The following BMPR1B variants were observed in gnomAD, a reference collection of about 807,000 sequenced individuals.
BMPR1B encodes bone morphogenetic protein receptor type 1B, also known as bone morphogenetic protein receptor type-1B.
In BMPR1B, 12 loss-of-function variants were observed where a neutral mutation model predicts 59.1. That is an observed-to-expected ratio of 0.20 (90% confidence interval 0.13 to 0.33). The LOEUF (loss-of-function observed/expected upper bound fraction) is 0.33, where lower values mean the gene tolerates loss of function less well. Among genes scored for constraint, BMPR1B ranks in the 10% least tolerant of loss-of-function variants. BMPR1B has a pLI of 1.00. For missense variants in BMPR1B, 550 were observed against 610.9 expected, an observed-to-expected ratio of 0.90 and a Z score of 1.05; for synonymous variants, 237 against 207.3, an observed-to-expected ratio of 1.14 and a Z score of -1.23.
intron 2 of BMPR1B, among the ~76,000 whole-genome samples, chr4:94,924,318 C>G (rs780528375): frequency 1.6e-4 from 24 of 152,158 alleles, no homozygotes; most frequent in Non-Finnish European, 3.2e-4. Context: ...GGAGAAGATA[C>G]TAACTTTTTT....
At chr4:94,762,072 T>C (rs1721795053) in intron 1 of BMPR1B, among the ~76,000 whole-genome samples, 1 of 152,194 alleles carries the variant, frequency 6.6e-6, no homozygotes, top group Admixed American at 6.5e-5. Context: ...ATCACAGTGG[T>C]AAGAAGGGAT....
rs924988842 is a variant in BMPR1B, at chr4:95,155,354, A to C, written c.*681A>C. 1.1e-4 allele frequency: 16 copies of C among 152,222 alleles called. No individual in the cohort carries two copies. The highest frequency in any genetic ancestry group is 3.9e-4 in the African/African-American group (16 of 41,474). The allele number at this position is 152,222 out of a possible 1,614,324, so 9.4% of individuals were successfully genotyped here. ...AGCTTCAGGCAATATGGAACAAATG[A>C]AGGTTTATGTGACTCTAATAGAAGT... On this transcript the variant is annotated 3_prime_UTR_variant, in exon 13 of 13. Transcript: ENST00000515059.
rs558859893 is a variant in BMPR1B at position 95,006,376 on chromosome 4, CA to C, written c.-18+10256del. On this transcript the variant is annotated intron_variant, in intron 3 of 12. Coordinates refer to ENST00000515059, the MANE Select transcript of BMPR1B (RefSeq NM_001203.3). ...TGGGCAACAGGGCGAGACTCCATCTCAAAAAAAAAAAAAAGTTTTATTTAAT... is the reference window on the plus strand; with the variant it reads ...TGGGCAACAGGGCGAGACTCCATCTCAAAAAAAAAAAAAGTTTTATTTAAT... Among the ~76,000 whole-genome samples the C allele has an allele frequency of 2.1e-3, 278 of 134,600 alleles. 1 individual carries two copies. Among genetic ancestry groups the C allele is most frequent in the African/African-American group, 6.7e-3 (234 of 35,000 alleles). 88.3% of individuals were successfully genotyped at this position (134,600 alleles called of 152,430 possible). A position where few individuals can be genotyped will look rare whatever the true frequency, so the allele number is the denominator to read the frequency against.
chr4:95,143,325 G>A (rs1734388586), intron 10 of BMPR1B, among the ~76,000 whole-genome samples: 1 of 152,186 alleles, frequency 6.6e-6, no homozygotes, highest in Admixed American at 6.5e-5. Flanking sequence ...CAATGTCAGT[G>A]GCTAAAATAT....
intron 1 of BMPR1B, among the ~76,000 whole-genome samples, chr4:94,806,048 C>T (rs548787021): frequency 6.6e-6 from 1 of 152,172 alleles, no homozygotes; most frequent in South Asian, 2.1e-4. Context: ...TATTGGAATC[C>T]AGTGCAATAT....
intron 1 of BMPR1B, among the ~76,000 whole-genome samples, chr4:94,875,049 A>G (rs970211684): frequency 7.2e-5 from 11 of 152,242 alleles, no homozygotes; most frequent in African/African-American, 1.7e-4. Context: ...AAATCCTTGC[A>G]CTAAGTAACA....
At chr4:94,767,565 A>G (rs1423185579) in intron 1 of BMPR1B, among the ~76,000 whole-genome samples, 1 of 152,174 alleles carries the variant, frequency 6.6e-6, no homozygotes, top group Non-Finnish European at 1.5e-5. Context: ...TCCTTTAAAT[A>G]CTTATCGTTA....
At chr4:95,099,510 A>T (rs1248646899) in intron 3 of BMPR1B, among the ~76,000 whole-genome samples, 1 of 152,098 alleles carries the variant, frequency 6.6e-6, no homozygotes, top group East Asian at 1.9e-4. Flanking sequence ...AGATAATCAC[A>T]TTTTTCTAAA....
chr4:95,147,847 G>A (rs1220784479), intron 10 of BMPR1B, among the ~76,000 whole-genome samples: 1 of 152,030 alleles, frequency 6.6e-6, no homozygotes. Context: ...TAGTCATTCA[G>A]CACCCTTAGA....
chr4:94,772,503 TAATA>T (rs1722222902), intron 1 of BMPR1B, among the ~76,000 whole-genome samples: 1 of 152,220 alleles, frequency 6.6e-6, no homozygotes, highest in Non-Finnish European at 1.5e-5. Flanking sequence ...TTAAAATACT[TAATA>T]TTTAAAATAT....
chr4:95,016,815 A>G (rs979733502), intron 3 of BMPR1B, among the ~76,000 whole-genome samples: 33 of 152,194 alleles, frequency 2.2e-4, no homozygotes, highest in African/African-American at 7.5e-4. Context: ...TTCCCTGACA[A>G]GTATACCATC....
chr4:94,973,309 C>T (rs2149079132), intron 2 of BMPR1B, among the ~76,000 whole-genome samples: 1 of 152,250 alleles, frequency 6.6e-6, no homozygotes, highest in Non-Finnish European at 1.5e-5. Context: ...CTCATGGCTC[C>T]TGAGCTCTGG....
chr4:94,975,992 C>G (rs1179499200), intron 2 of BMPR1B, among the ~76,000 whole-genome samples: 1 of 152,128 alleles, frequency 6.6e-6, no homozygotes, highest in Non-Finnish European at 1.5e-5. Context: ...TTTCTGGGGT[C>G]AGGAATTTGT....
chr4:94,849,901 C>G (rs781230829), intron 1 of BMPR1B, among the ~76,000 whole-genome samples: 1 of 152,006 alleles, frequency 6.6e-6, no homozygotes, highest in African/African-American at 2.4e-5. Context: ...GGCTAGTGCT[C>G]GGTGATTTTC....
intron 1 of BMPR1B, among the ~76,000 whole-genome samples, chr4:94,873,190 ATACTCTCCCTTAAG>A (rs1175059604): frequency 6.6e-6 from 1 of 151,904 alleles, no homozygotes; most frequent in Non-Finnish European, 1.5e-5. Flanking sequence ...GTCACTTCGG[ATACTCTCCCTTAAG>A]TACTGACCAC....
chr4:94,792,892 C>T (rs1362228031), intron 1 of BMPR1B, among the ~76,000 whole-genome samples: 1 of 152,126 alleles, frequency 6.6e-6, no homozygotes, highest in African/African-American at 2.4e-5. Context: ...TAAAGAAATT[C>T]TGCTTTTACT....
intron 1 of BMPR1B, among the ~76,000 whole-genome samples, chr4:94,809,472 A>G (rs1295765134): frequency 2.0e-5 from 3 of 152,222 alleles, no homozygotes; most frequent in South Asian, 4.1e-4. Flanking sequence ...TTTTCCATGT[A>G]TAAGCTTCAG....
intron 2 of BMPR1B, among the ~76,000 whole-genome samples, chr4:94,980,877 C>T (rs571332046): frequency 6.6e-6 from 1 of 152,246 alleles, no homozygotes; most frequent in South Asian, 2.1e-4. Context: ...GTCCTGTAAT[C>T]CCAGCCACTC....
chr4:94,967,982 A>G (rs1730618823), intron 2 of BMPR1B, among the ~76,000 whole-genome samples: 1 of 152,186 alleles, frequency 6.6e-6, no homozygotes, highest in African/African-American at 2.4e-5. Flanking sequence ...TCTCACTTTG[A>G]GGTTATCTTC....
Sources: gnomAD v4.1 joint callset for allele counts (sites outside exome capture counted in the v4.1 genomes callset) on GRCh38, gnomAD v4.1.1 for gene constraint, MANE v1.5 for transcripts, NCBI Gene and HGNC (gene_info 2026-07-23, HGNC 2026-07-21) for gene names.